Variants in BCL2L12 observed in about 807,000 individuals in gnomAD.
BCL2L12 encodes the protein bcl-2-like protein 12.
A neutral mutation model predicts 25.7 loss-of-function variants in BCL2L12; 27 were observed. That is an observed-to-expected ratio of 1.05 (90% CI 0.78 to 1.45). BCL2L12 has a LOEUF of 1.45. Ranked by LOEUF, BCL2L12 falls within the 40% of genes most tolerant of loss-of-function variation. BCL2L12 has a pLI of 0.00. For missense variants in BCL2L12, 302 were observed against 329.8 expected, an observed-to-expected ratio of 0.92 and a Z score of 0.65; for synonymous variants, 132 against 145.6, an observed-to-expected ratio of 0.91 and a Z score of 0.67.
chr19:49,666,812 G>A lies in BCL2L12; in HGVS notation c.107+13G>A, dbSNP rs771788922. The A allele has an allele frequency of 3.9e-6, 6 of 1,551,918 alleles. No homozygotes were observed. Among genetic ancestry groups the A allele is most frequent in the Non-Finnish European group, 5.2e-6 (6 of 1,146,554 alleles). Reference sequence around the variant, plus strand: ...CAACTCCACCTAGGTAAGAGGAGTGGCCCTTCTCCCCCAGGGGCCAGCATT... The same window carrying A: ...CAACTCCACCTAGGTAAGAGGAGTGACCCTTCTCCCCCAGGGGCCAGCATT... On this transcript the variant is annotated intron_variant, in intron 2 of 6. Coordinates refer to ENST00000246784, the MANE Select transcript of BCL2L12 (RefSeq NM_138639.2).
chr19:49,670,679 G>T (rs776559126), intron 6 of BCL2L12, among the ~76,000 whole-genome samples, 191 bp downstream of exon 6: 31 of 152,230 alleles, frequency 2.0e-4, no homozygotes, highest in Non-Finnish European at 3.5e-4. Context: ...TGGCGTCAAC[G>T]ACTGGGTACG....
chr19:49,670,275 C>T lies in BCL2L12; in HGVS notation c.489C>T (p.Ala163=), dbSNP rs780735772. Residue 163 remains alanine, a synonymous_variant, in exon 6 of 7, where the codon GCC becomes GCT. Coordinates refer to ENST00000246784, the MANE Select transcript of BCL2L12 (RefSeq NM_138639.2). ...KLVRLSSDSF[A]RLVELFCSRD... is the part of the protein sequence containing the mutation. ...TCCGCCTGTCCTCCGACTCTTTCGCCCGCCTGGTGGAGCTGTTCTGTAGCC... is the reference window on the plus strand; with the variant it reads ...TCCGCCTGTCCTCCGACTCTTTCGCTCGCCTGGTGGAGCTGTTCTGTAGCC... 1 of 1,611,246 alleles carries T rather than the reference C, an allele frequency of 6.2e-7. No individual in the cohort carries two copies. Among genetic ancestry groups the T allele is most frequent in the Non-Finnish European group, 8.5e-7 (1 of 1,179,592 alleles).
Position 49,669,016 on chromosome 19 carries a change from G to C in BCL2L12, c.338-8G>C. ...TCTGCCCCCAGCCAAATTCTCTTCT[G>C]CCTCCAGAATTACAGGGTCCCCCAT... On this transcript the variant is annotated splice_region_variant and splice_polypyrimidine_tract_variant and intron_variant, in intron 4 of 6. Coordinates refer to ENST00000246784, the MANE Select transcript of BCL2L12 (RefSeq NM_138639.2). The C allele has an allele frequency of 6.2e-7, 1 of 1,613,912 alleles. No homozygotes were observed. The highest frequency in any genetic ancestry group is 8.5e-7 in the Non-Finnish European group (1 of 1,179,878).
Position 49,668,998 on chromosome 19 carries a change from C to G in BCL2L12, c.338-26C>G, listed in dbSNP as rs377691540. On this transcript the variant is annotated intron_variant, in intron 4 of 6. Coordinates refer to ENST00000246784, the MANE Select transcript of BCL2L12 (RefSeq NM_138639.2). ...TGGGAGGATAGTCAGGGTTCTGCCC[C>G]CAGCCAAATTCTCTTCTGCCTCCAG... 3.9e-4 allele frequency: 623 copies of G among 1,613,738 alleles called. 1 individual carries two copies. Among genetic ancestry groups the G allele is most frequent in the Non-Finnish European group, 4.9e-4 (576 of 1,179,870 alleles).
upstream of BCL2L12, chr19:49,665,856 A>T: frequency 6.2e-7 from 1 of 1,608,508 alleles, no homozygotes; most frequent in African/African-American, 1.3e-5. Flanking sequence ...TCCCGCCCCT[A>T]TGCCCTTTTT....
chr19:49,670,611 G>T, intron 6 of BCL2L12, 123 bp downstream of exon 6: 1 of 1,320,580 alleles, frequency 7.6e-7, no homozygotes, highest in Non-Finnish European at 1.0e-6. Context: ...CACTGCGTTC[G>T]TTCTGTTGAG....
In BCL2L12 at chr19:49,665,946, G is replaced by T. The variant is rs1280364071; in HGVS notation, c.-130G>T. 6.2e-7 allele frequency: 1 copy of T among 1,613,688 alleles called. No homozygotes were observed. The highest frequency in any genetic ancestry group is 8.5e-7 in the Non-Finnish European group (1 of 1,179,822). On this transcript the variant is annotated 5_prime_UTR_variant, in exon 1 of 7. Transcript: ENST00000246784. ...CCAGCGTTCCGCCCTTTCTACGCTG[G>T]GCCGGTTATCGACCCGGCCCAGTGC... is the stretch of plus-strand genomic sequence containing the variant.
At chr19:49,671,130 C>T (rs376319703) in intron 6 of BCL2L12, among the ~76,000 whole-genome samples, 7 of 151,646 alleles carry the variant, frequency 4.6e-5, no homozygotes, top group African/African-American at 1.7e-4. Flanking sequence ...CCACTGCACT[C>T]CAGCCTGGGC....
intron 5 of BCL2L12, 62 bp from the exon 6 acceptor site, chr19:49,670,154 G>A (rs980845856): frequency 1.9e-6 from 3 of 1,565,474 alleles, no homozygotes; most frequent in African/African-American, 2.7e-5. Context: ...ACGCCTCCCG[G>A]CCCTCTATTG....
intron 6 of BCL2L12, 114 bp downstream of exon 6, chr19:49,670,602 A>AGAACGAACGCAGTGGAG: frequency 7.2e-7 from 1 of 1,385,348 alleles, no homozygotes; most frequent in Non-Finnish European, 9.6e-7. Context: ...TCCCAGCTCC[A>AGAACGAACGCAGTGGAG]CTGCGTTCGT....
In BCL2L12 at chr19:49,673,684, C is replaced by T. The variant is rs932848985; in HGVS notation, c.703-14C>T. On this transcript the variant is annotated splice_polypyrimidine_tract_variant and intron_variant, in intron 6 of 6. Transcript: ENST00000246784. ...CTGCCCTGCTCACAGGGCTCTGCCA[C>T]TTTTCCCTTCCAGGAGGGCATCCTG... The T allele has an allele frequency of 6.2e-7, 1 of 1,612,178 alleles. No homozygotes were observed. The highest frequency in any genetic ancestry group is 8.5e-7 in the Non-Finnish European group (1 of 1,178,352).
chr19:49,665,823 G>T (rs2122764952), upstream of BCL2L12: 5 of 1,587,608 alleles, frequency 3.1e-6, no homozygotes, highest in South Asian at 1.1e-5. Flanking sequence ...CCCAAAAGCC[G>T]ATGGGACGGC....
In BCL2L12 at chr19:49,672,989, C is replaced by T. The variant is rs967896210; in HGVS notation, c.703-709C>T. 1.3e-5 allele frequency among the ~76,000 whole-genome samples: 2 copies of T among 152,160 alleles called. No homozygotes were observed. Among genetic ancestry groups the T allele is most frequent in the African/African-American group, 4.8e-5 (2 of 41,424 alleles). On this transcript the variant is annotated intron_variant, in intron 6 of 6. Coordinates refer to ENST00000246784, the MANE Select transcript of BCL2L12 (RefSeq NM_138639.2). This position sits in a 1 kb window ranked among gnomAD's most constrained non-coding sequence, Gnocchi z 4.1. Reference sequence around the variant, plus strand: ...TTCAAGCGATTCCCTGCCTCAGCCTCCTGAGTAGCTGGGGTTACAGGCGCA... The same window carrying T: ...TTCAAGCGATTCCCTGCCTCAGCCTTCTGAGTAGCTGGGGTTACAGGCGCA...
At chr19:49,673,316 A>G (rs971593711) in intron 6 of BCL2L12, among the ~76,000 whole-genome samples, 5 of 152,064 alleles carry the variant, frequency 3.3e-5, no homozygotes. Flanking sequence ...GTGGGGGCAG[A>G]GAGGAAAAGT....
chr19:49,669,282 T>C, intron 5 of BCL2L12, 167 bp downstream of exon 5: 1 of 1,361,814 alleles, frequency 7.3e-7, no homozygotes, highest in Non-Finnish European at 9.7e-7. Flanking sequence ...ACGCCTGTAA[T>C]CCCAGCACTT....
rs186804590 is a variant in BCL2L12 at position 49,672,123 on chromosome 19, G to A, written c.703-1575G>A. ...TATCTCCAGTGCCGGTTTCAGAGTTGGATTGGGCTCCAGCGTGCTGGCCCT... is the reference window on the plus strand; with the variant it reads ...TATCTCCAGTGCCGGTTTCAGAGTTAGATTGGGCTCCAGCGTGCTGGCCCT... On this transcript the variant is annotated intron_variant, in intron 6 of 6. Coordinates refer to ENST00000246784, the MANE Select transcript of BCL2L12 (RefSeq NM_138639.2). This position sits in a 1 kb window ranked among gnomAD's most constrained non-coding sequence, Gnocchi z 4.1. 572 of 152,620 alleles carry A rather than the reference G, an allele frequency of 3.7e-3. 4 individuals carry two copies. Among genetic ancestry groups the A allele is most frequent in the Non-Finnish European group, 6.2e-3 (420 of 68,124 alleles). The allele number at this position is 152,620 out of a possible 1,614,324, so 9.5% of individuals were successfully genotyped here.
intron 3 of BCL2L12, among the ~76,000 whole-genome samples, 157 bp downstream of exon 3, chr19:49,667,318 C>G (rs932900525): frequency 6.6e-6 from 1 of 152,164 alleles, no homozygotes; most frequent in Non-Finnish European, 1.5e-5. Flanking sequence ...AGATTTCTGT[C>G]AATTCTGTGG....
At position 49,666,042 on chromosome 19, in the gene BCL2L12, G is replaced by T; in HGVS notation, c.-34G>T. 6.4e-7 allele frequency: 1 copy of T among 1,561,768 alleles called. No homozygotes were observed. Among genetic ancestry groups the T allele is most frequent in the Non-Finnish European group, 8.7e-7 (1 of 1,151,238 alleles). On this transcript the variant is annotated 5_prime_UTR_variant, in exon 1 of 7. Transcript: ENST00000246784. ...GGAGGAGACCGCAAGTTGAGTGGAG[G>T]AGGCGGCGGTGGGGCCCCGGACCAG...
intron 3 of BCL2L12, among the ~76,000 whole-genome samples, chr19:49,668,215 C>T (rs1356672919): frequency 5.3e-5 from 8 of 151,972 alleles, no homozygotes. Context: ...CCTGCCTCAG[C>T]CTCCCAAGTA....
Sources: gnomAD v4.1 joint callset for allele counts (sites outside exome capture counted in the v4.1 genomes callset) on GRCh38, gnomAD v4.1.1 for gene constraint, Gnocchi (gnomAD v3.1) non-coding constraint, MANE v1.5 for transcripts, NCBI Gene and HGNC (gene_info 2026-07-23, HGNC 2026-07-21) for gene names.